The following RGS6 variants were observed in gnomAD, a reference collection of about 807,000 sequenced individuals.
RGS6 encodes the protein regulator of G protein signaling 6.
RGS6 carries 30 observed loss-of-function variants against 78.5 expected under a neutral mutation model. That is an observed-to-expected ratio of 0.38 (90% CI 0.29 to 0.52). RGS6 has a LOEUF of 0.52. RGS6 is among the 20% of genes least tolerant of loss of function. RGS6 has a pLI of 0.85. For missense variants in RGS6, 495 were observed against 609.7 expected, an observed-to-expected ratio of 0.81 and a Z score of 1.98; for synonymous variants, 206 against 206.0, an observed-to-expected ratio of 1.00 and a Z score of 0.00.
intron 2 of RGS6, among the ~76,000 whole-genome samples, chr14:72,267,818 C>T (rs964730803): frequency 6.6e-6 from 1 of 152,112 alleles, no homozygotes; most frequent in African/African-American, 2.4e-5. Flanking sequence ...TTAGTGATTC[C>T]TAATAAAAGA....
chr14:72,443,183 C>T (rs185022704), intron 3 of RGS6, among the ~76,000 whole-genome samples: 2 of 152,318 alleles, frequency 1.3e-5, no homozygotes, highest in Admixed American at 1.3e-4. Context: ...GTGTCAGAGA[C>T]TGCTAAATGT....
chr14:71,975,320 G>T (rs372103485), intron 2 of RGS6, among the ~76,000 whole-genome samples: 34 of 152,170 alleles, frequency 2.2e-4, no homozygotes, highest in Non-Finnish European at 3.2e-4. Flanking sequence ...TTCCTCCTTC[G>T]AATGTAATCT....
chr14:72,311,334 C>A (rs895097419), intron 2 of RGS6, among the ~76,000 whole-genome samples: 4 of 152,162 alleles, frequency 2.6e-5, no homozygotes, highest in African/African-American at 7.2e-5. Flanking sequence ...CAGATTCTTA[C>A]ATTTTTTAAA....
intron 2 of RGS6, among the ~76,000 whole-genome samples, chr14:72,149,270 T>A (rs1017668594): frequency 2.0e-5 from 3 of 152,162 alleles, no homozygotes; most frequent in African/African-American, 7.2e-5. Flanking sequence ...GCCTCAGAAG[T>A]CATCTAGCAT....
At chr14:72,396,762 T>A (rs888208768) in intron 3 of RGS6, among the ~76,000 whole-genome samples, 1 of 148,074 alleles carries the variant, frequency 6.8e-6, no homozygotes, top group Admixed American at 6.6e-5. Flanking sequence ...TTTCTACATA[T>A]GTCTAGCCAG....
At chr14:72,196,707 T>C (rs887351655) in intron 2 of RGS6, among the ~76,000 whole-genome samples, 1 of 152,236 alleles carries the variant, frequency 6.6e-6, no homozygotes, top group Non-Finnish European at 1.5e-5. Context: ...GGGATTTGTT[T>C]CTCTTGCATC....
chr14:71,975,790 A>C (rs1026697152), intron 2 of RGS6, among the ~76,000 whole-genome samples: 1 of 152,086 alleles, frequency 6.6e-6, no homozygotes, highest in Non-Finnish European at 1.5e-5. Context: ...AACTTTTCAA[A>C]TATTGTTTAT....
At chr14:71,947,416 C>T (rs1359576742) in intron 1 of RGS6, among the ~76,000 whole-genome samples, 2 of 152,118 alleles carry the variant, frequency 1.3e-5, no homozygotes, top group African/African-American at 2.4e-5. Flanking sequence ...AAATCACTTC[C>T]GCTGCCTGCC....
At chr14:72,149,510 G>A (rs1009624679) in intron 2 of RGS6, among the ~76,000 whole-genome samples, 38 of 152,160 alleles carry the variant, frequency 2.5e-4, no homozygotes, top group Admixed American at 2.2e-3. Context: ...CTGTTGGCTG[G>A]CCTGGAGCAT....
chr14:72,251,954 G>A (rs1413748539), intron 2 of RGS6, among the ~76,000 whole-genome samples: 1 of 152,214 alleles, frequency 6.6e-6, no homozygotes, highest in Admixed American at 6.5e-5. Context: ...AGCCAAGTGG[G>A]AAACTTGTTG....
intron 2 of RGS6, among the ~76,000 whole-genome samples, chr14:71,982,163 C>T (rs1184266400): frequency 6.6e-6 from 1 of 152,150 alleles, no homozygotes; most frequent in Non-Finnish European, 1.5e-5. Context: ...GGTGCGTGCA[C>T]CCACTGACCT....
intron 3 of RGS6, among the ~76,000 whole-genome samples, chr14:72,429,832 G>T (rs1220721337): frequency 1.3e-5 from 2 of 152,312 alleles, no homozygotes; most frequent in East Asian, 3.9e-4. Flanking sequence ...AGACCAGGAG[G>T]TAACTGAATC....
At chr14:71,978,103 C>A (rs1438811850) in intron 2 of RGS6, among the ~76,000 whole-genome samples, 1 of 147,384 alleles carries the variant, frequency 6.8e-6, no homozygotes, top group Non-Finnish European at 1.5e-5. Flanking sequence ...GATTTTTGTA[C>A]ATTGATTTTG....
intron 2 of RGS6, among the ~76,000 whole-genome samples, chr14:72,180,094 C>A (rs1291564017): frequency 6.6e-6 from 1 of 152,192 alleles, no homozygotes; most frequent in Non-Finnish European, 1.5e-5. Context: ...AAGTTTGAGC[C>A]TTTACTGCTG....
intron 2 of RGS6, among the ~76,000 whole-genome samples, chr14:72,188,085 T>C (rs1056735854): frequency 1.3e-5 from 2 of 152,008 alleles, no homozygotes; most frequent in African/African-American, 4.8e-5. Flanking sequence ...GCCAGCCTAC[T>C]GTCCAGTGTT....
chr14:72,607,272 C>T, the RGS6 span, among the ~76,000 whole-genome samples: 1 of 152,140 alleles, frequency 6.6e-6, no homozygotes, highest in Non-Finnish European at 1.5e-5. Context: ...AACAATAAGC[C>T]AAATTTATTT....
chr14:72,573,970 G>A, the RGS6 span, among the ~76,000 whole-genome samples: 1 of 152,286 alleles, frequency 6.6e-6, no homozygotes, highest in South Asian at 2.1e-4. Context: ...AGAAACAAAG[G>A]GAAAACATTG....
At chr14:72,501,859 C>T (rs913982216) in intron 13 of RGS6, among the ~76,000 whole-genome samples, 4 of 152,246 alleles carry the variant, frequency 2.6e-5, no homozygotes, top group African/African-American at 9.6e-5. Flanking sequence ...TAGGCATTCA[C>T]TCCCAGCCAA....
At chr14:72,305,219 A>G (rs939344429) in intron 2 of RGS6, among the ~76,000 whole-genome samples, 1 of 151,980 alleles carries the variant, frequency 6.6e-6, no homozygotes. Context: ...ATCACTTATC[A>G]TTTGTCTTTG....
Sources: allele counts gnomAD v4.1 joint callset (sites outside exome capture counted in the v4.1 genomes callset), GRCh38; gene constraint gnomAD v4.1.1; transcripts MANE v1.5; gene names NCBI Gene and HGNC (gene_info 2026-07-23, HGNC 2026-07-21).